The following MXRA8 variants were observed in gnomAD, a reference collection of about 807,000 sequenced individuals.
MXRA8 encodes matrix remodeling associated 8.
Under a neutral mutation model 51.4 loss-of-function variants are expected in MXRA8, and 44 were observed. That is an observed-to-expected ratio of 0.86 (90% CI 0.67 to 1.10). The LOEUF (loss-of-function observed/expected upper bound fraction) is 1.10, where lower values mean the gene tolerates loss of function less well. MXRA8 is among the 50% of genes least tolerant of loss of function. The pLI, the probability that MXRA8 is intolerant of heterozygous loss-of-function variation, is 0.00. For synonymous variants in MXRA8, 369 were observed against 293.5 expected (o/e 1.26, Z -2.63); for missense variants, 765 against 638.9 (o/e 1.20, Z -2.13).
upstream of MXRA8, among the ~76,000 whole-genome samples, chr1:1,360,649 C>T (rs1488874701): frequency 4.6e-5 from 7 of 152,168 alleles, no homozygotes; most frequent in African/African-American, 9.7e-5. Flanking sequence ...CGCCCTGGAC[C>T]GTCCTCCTAG....
chr1:1,359,602 A>G (rs1006880259), upstream of MXRA8: 3 of 983,596 alleles, frequency 3.1e-6, no homozygotes, highest in Non-Finnish European at 3.6e-6. Flanking sequence ...GTCCTCAGAC[A>G]GTGGGAAGCC....
chr1:1,353,269 G>A lies in MXRA8; in HGVS notation c.*335C>T. On this transcript the variant is annotated 3_prime_UTR_variant, in exon 10 of 10. Transcript: ENST00000309212. ...GCTGACCCCAGTTTTGGGGCTGCCAGGTTCTGATGGGAGTGTCCTCCAGGA... is the reference window on the plus strand; with the variant it reads ...GCTGACCCCAGTTTTGGGGCTGCCAAGTTCTGATGGGAGTGTCCTCCAGGA... 1.3e-6 allele frequency: 2 copies of A among 1,536,150 alleles called. No individual in the cohort carries two copies. The highest frequency in any genetic ancestry group is 1.7e-4 in the Middle Eastern group (1 of 5,958).
At chr1:1,363,393 G>A (rs903062206), upstream of MXRA8, among the ~76,000 whole-genome samples, 1 of 151,648 alleles carries the variant, frequency 6.6e-6, no homozygotes, top group Non-Finnish European at 1.5e-5. Context: ...GCGATCCTCG[G>A]CCTCTCAAAG....
upstream of MXRA8, among the ~76,000 whole-genome samples, chr1:1,360,869 C>T (rs1644212333): frequency 6.6e-6 from 1 of 151,286 alleles, no homozygotes; most frequent in Admixed American, 6.6e-5. Context: ...CATGCACACA[C>T]ACACAAAGAC....
chr1:1,361,722 G>A (rs1215791258), upstream of MXRA8: 1 of 187,686 alleles, frequency 5.3e-6, no homozygotes, highest in East Asian at 1.4e-4. Flanking sequence ...GTGGGGCTGG[G>A]TCTCCTACCC....
upstream of MXRA8, chr1:1,358,662 C>T (rs894773721): frequency 2.2e-5 from 31 of 1,408,244 alleles, no homozygotes; most frequent in African/African-American, 4.6e-4. Context: ...CCTGCCGGGC[C>T]CCTTGGCCTC....
At chr1:1,362,617 T>C (rs577326074), upstream of MXRA8, among the ~76,000 whole-genome samples, 3 of 151,306 alleles carry the variant, frequency 2.0e-5, no homozygotes, top group South Asian at 6.3e-4. Flanking sequence ...CTGTCTCTAC[T>C]AAAAATACAA....
upstream of MXRA8, among the ~76,000 whole-genome samples, chr1:1,362,053 G>A (rs1040055506): frequency 3.3e-5 from 5 of 152,186 alleles, no homozygotes; most frequent in Non-Finnish European, 7.3e-5. Context: ...GACTGTTCCC[G>A]GCCATGTCCC....
At chr1:1,355,407 AC>A in intron 3 of MXRA8, 42 bp downstream of exon 3, 1 of 1,489,692 alleles carries the variant, frequency 6.7e-7, no homozygotes. Context: ...GCGGCCCCGG[AC>A]CCCTGCCCCG....
upstream of MXRA8, chr1:1,358,634 G>A (rs1278543938): frequency 2.1e-6 from 3 of 1,426,200 alleles, no homozygotes; most frequent in Admixed American, 3.0e-5. Context: ...TACGGTCTGG[G>A]GACCGCCCCC....
chr1:1,355,137 G>C lies in MXRA8; in HGVS notation c.494C>G (p.Ala165Gly), dbSNP rs1168365819. 6.9e-7 allele frequency: 1 copy of C among 1,448,438 alleles called. No individual in the cohort carries two copies. The highest frequency in any genetic ancestry group is 1.5e-5 in the African/African-American group (1 of 66,644). The allele number at this position is 1,448,438 out of a possible 1,614,324, so 89.7% of individuals were successfully genotyped here. Reference protein sequence around the residue: ...EVTDGPPATPAYWDGEKEVLA... With the variant: ...EVTDGPPATPGYWDGEKEVLA... ...CACCTCCTTCTCGCCGTCCCAGTAG[G>C]CGGGGGTGGCCGGGGCTGCGGAGGG... Residue 165 changes from alanine (A) to glycine (G), a missense_variant, in exon 5 of 10, where the codon GCC becomes GGC. Ala to Gly is a moderately conservative substitution (Grantham distance 60, BLOSUM62 0). Coordinates refer to ENST00000309212, the MANE Select transcript of MXRA8 (RefSeq NM_032348.4).
Position 1,353,641 on chromosome 1 carries a change from G to A in MXRA8, c.1304-12C>T, listed in dbSNP as rs1644049982. 1 of 1,563,748 alleles carries A rather than the reference G, an allele frequency of 6.4e-7. No homozygotes were observed. Among genetic ancestry groups the A allele is most frequent in the African/African-American group, 1.3e-5 (1 of 74,296 alleles). ...CTCCTTCCGGAACCCTGGAAGCCAA[G>A]GGCGCCAACGGGTTGGCGGCTGTCC... On this transcript the variant is annotated splice_polypyrimidine_tract_variant and intron_variant, in intron 9 of 9. Transcript: ENST00000309212.
upstream of MXRA8, among the ~76,000 whole-genome samples, chr1:1,362,729 C>T (rs1373467518): frequency 1.4e-5 from 2 of 140,170 alleles, no homozygotes; most frequent in Non-Finnish European, 1.5e-5. Flanking sequence ...TGCAGTGAGC[C>T]GAGATCGTGC....
At position 1,354,071 on chromosome 1, in the gene MXRA8, G is replaced by A. The variant is rs767395987; in HGVS notation, c.1181C>T (p.Ala394Val). The change falls in exon 8 of 10, where the codon GCA becomes GTA. Residue 394 changes from alanine (A) to valine (V), a missense_variant. Coordinates refer to ENST00000309212, the MANE Select transcript of MXRA8 (RefSeq NM_032348.4). ...ACTCCTGTAAAGCATCTGGTCCCCT[G>A]CAGCCACAGCGAACTCCGCCAAGTT... is the stretch of plus-strand genomic sequence containing the variant. ...DVNLAEFAVAAGDQMLYRSED... is the reference protein window; with the variant it reads ...DVNLAEFAVAVGDQMLYRSED... 1.2e-6 allele frequency: 2 copies of A among 1,612,950 alleles called. No homozygotes were observed. The highest frequency in any genetic ancestry group is 3.3e-5 in the Admixed American group (2 of 60,024).
chr1:1,359,236 C>T (rs565919101), upstream of MXRA8: 4,866 of 985,368 alleles, frequency 4.9e-3, 7 homozygotes, highest in Admixed American at 8.8e-3. Flanking sequence ...TGGCCCCGTC[C>T]CCTGGGGCTG....
At chr1:1,361,037 TGAA>T (rs566306043), upstream of MXRA8, among the ~76,000 whole-genome samples, 172 of 145,056 alleles carry the variant, frequency 1.2e-3, no homozygotes, top group African/African-American at 4.0e-3. Flanking sequence ...TGCATGCACA[TGAA>T]GACACGGAGA....
chr1:1,356,807 G>A (rs1401078942), intron 1 of MXRA8, 103 bp from the exon 2 acceptor site: 2 of 1,037,514 alleles, frequency 1.9e-6, no homozygotes, highest in East Asian at 6.4e-5. Flanking sequence ...CAAAGTGGAT[G>A]CTGTGACACC....
At chr1:1,354,311 C>T (rs763851022) in intron 6 of MXRA8, 43 bp downstream of exon 6, 105 of 1,599,086 alleles carry the variant, frequency 6.6e-5, no homozygotes, top group Non-Finnish European at 8.7e-5. Flanking sequence ...CTCCCGCCCA[C>T]CTCAGTCTCC....
Position 1,355,243 on chromosome 1 carries a change from C to A in MXRA8, c.478+1G>T. 6.4e-7 allele frequency: 1 copy of A among 1,553,996 alleles called. No homozygotes were observed. Among genetic ancestry groups the A allele is most frequent in the South Asian group, 1.2e-5 (1 of 85,102 alleles). On this transcript the variant is annotated splice_donor_variant, in intron 4 of 9. Transcript: ENST00000309212. LOFTEE classifies it high-confidence loss of function. ...CTGGGGGGCGGGGGGGAAGCACTCACGGCCGTCGGTGACCTCCAGGCGGAC... is the reference window on the plus strand; with the variant it reads ...CTGGGGGGCGGGGGGGAAGCACTCAAGGCCGTCGGTGACCTCCAGGCGGAC...
Sources: gnomAD v4.1 joint callset for allele counts (sites outside exome capture counted in the v4.1 genomes callset) on GRCh38, gnomAD v4.1.1 for gene constraint, MANE v1.5 for transcripts, NCBI Gene and HGNC (gene_info 2026-07-23, HGNC 2026-07-21) for gene names.